ASCC2: variants seen among roughly 807,000 people sequenced by gnomAD.
The protein encoded by ASCC2 is ASC-1 complex subunit P100.
In ASCC2, 42 loss-of-function variants were observed where a neutral mutation model predicts 93.5. The ratio of observed to expected loss-of-function variants is 0.45; its 90% CI spans 0.35 to 0.58. The LOEUF (loss-of-function observed/expected upper bound fraction) is 0.58, where lower values mean the gene tolerates loss of function less well. Ranked by LOEUF, ASCC2 falls within the 20% of genes least tolerant of loss-of-function variation. The pLI is 0.00. For missense variants in ASCC2, 859 were observed against 977.6 expected (o/e 0.88, Z 1.62); for synonymous variants, 364 against 384.2 (o/e 0.95, Z 0.62).
In ASCC2 at chr22:29,802,165, A is replaced by T. The variant is rs764312800; in HGVS notation, c.1397T>A (p.Val466Glu). Residue 466 changes from valine to glutamate, a missense_variant, in exon 14 of 20, where the codon GTG (valine) becomes GAG (glutamate). By Grantham distance (121) the Val-to-Glu change is moderately radical. Coordinates refer to ENST00000307790, the MANE Select transcript of ASCC2 (RefSeq NM_032204.5). ...TTGGGAGATGAGAGAGTCCAGTTCCACCCCACACATGGCAGGGCCCACAGC... is the reference window on the plus strand; with the variant it reads ...TTGGGAGATGAGAGAGTCCAGTTCCTCCCCACACATGGCAGGGCCCACAGC... The part of the protein sequence containing the change: ...AAAVGPAMCG[V>E]ELDSLISQVK... The T allele has an allele frequency of 1.2e-6, 2 of 1,614,056 alleles. No homozygotes were observed. Among genetic ancestry groups the T allele is most frequent in the Non-Finnish European group, 1.7e-6 (2 of 1,180,018 alleles).
chr22:29,827,697 A>G (rs925610471), intron 2 of ASCC2: 1 of 444,530 alleles, frequency 2.2e-6, no homozygotes, highest in South Asian at 1.7e-5. Flanking sequence ...TCCCTCTTCT[A>G]TCTGTTGGCA....
chr22:29,818,571 G>T (rs1344755626), intron 5 of ASCC2, among the ~76,000 whole-genome samples: 1 of 151,894 alleles, frequency 6.6e-6, no homozygotes, highest in East Asian at 1.9e-4. Flanking sequence ...AGCCAGTTTA[G>T]GGTTCTCAAC....
chr22:29,832,530 AG>A (rs1221788708), intron 1 of ASCC2, 188 bp from the exon 2 acceptor site: 1 of 492,988 alleles, frequency 2.0e-6, no homozygotes. Context: ...TGCATAAAGC[AG>A]TTCTCAATTG....
At chr22:29,816,378 C>G (rs907778452) in intron 5 of ASCC2, among the ~76,000 whole-genome samples, 3 of 152,142 alleles carry the variant, frequency 2.0e-5, no homozygotes, top group African/African-American at 7.2e-5. Flanking sequence ...ACTGATGTCC[C>G]CAGGGAGTGA....
At chr22:29,828,770 G>T (rs1395439199) in intron 2 of ASCC2, among the ~76,000 whole-genome samples, 1 of 152,224 alleles carries the variant, frequency 6.6e-6, no homozygotes, top group Non-Finnish European at 1.5e-5. Flanking sequence ...ATGGATTGCA[G>T]AGAGGCACAA....
rs1300291086 is a variant in ASCC2 at position 29,816,052 on chromosome 22, G to C, written c.563C>G (p.Pro188Arg). ...KMIGNIFTQQ[P>R]SYYSDLDETL... ...TTCATCCAGGTCACTGTAGTAACTT[G>C]GCTGCTGTGTAAAGATGTTTCCTAA... Residue 188 changes from proline to arginine, a missense_variant, in exon 6 of 20, where the codon CCA (proline) becomes CGA (arginine). Pro to Arg is a moderately radical substitution (Grantham distance 103). Transcript: ENST00000307790. 3 of 1,599,344 alleles carry C rather than the reference G, an allele frequency of 1.9e-6. No individual in the cohort carries two copies. Among genetic ancestry groups the C allele is most frequent in the Non-Finnish European group, 2.6e-6 (3 of 1,172,462 alleles).
chr22:29,819,162 C>T (rs1225453272), intron 5 of ASCC2, among the ~76,000 whole-genome samples: 1 of 152,128 alleles, frequency 6.6e-6, no homozygotes, highest in Non-Finnish European at 1.5e-5. Context: ...CTCAACAACC[C>T]AATTTGTTTT....
Position 29,822,415 on chromosome 22 carries a change from A to G in ASCC2, c.461T>C (p.Phe154Ser). Residue 154 changes from phenylalanine to serine, a missense_variant, in exon 5 of 20, where the codon TTC becomes TCC. Transcript: ENST00000307790. ...SAFGEILYNN[F>S]LFDIPKILDL... ...CAGGATCTTTGGAATGTCAAAGAGG[A>G]AGTTATTGTAGAGGATTTCTCCAAA... 1 of 1,614,024 alleles carries G rather than the reference A, an allele frequency of 6.2e-7. No individual in the cohort carries two copies. Among genetic ancestry groups the G allele is most frequent in the Non-Finnish European group, 8.5e-7 (1 of 1,179,966 alleles).
intron 4 of ASCC2, among the ~76,000 whole-genome samples, chr22:29,823,847 CAAA>C (rs773869469): frequency 4.9e-5 from 4 of 81,052 alleles, no homozygotes; most frequent in Admixed American, 1.3e-4. Context: ...AACTCCATCT[CAAA>C]AAAAAAAAAA....
intron 18 of ASCC2, among the ~76,000 whole-genome samples, chr22:29,792,184 T>C (rs1333474724): frequency 1.3e-5 from 2 of 152,248 alleles, no homozygotes; most frequent in East Asian, 3.9e-4. Flanking sequence ...CTGGGCCTAA[T>C]AATGAAGCTG....
In ASCC2 at chr22:29,789,200, C is replaced by T. The variant is rs752244074; in HGVS notation, c.2103-16G>A. 15 of 1,613,918 alleles carry T rather than the reference C, an allele frequency of 9.3e-6. No individual in the cohort carries two copies. The highest frequency in any genetic ancestry group is 3.3e-5 in the South Asian group (3 of 91,070). ...ATGCCGGTACCTGAGGGAGGAACAA[C>T]CCACCCCACGAGAACCTGTCAGCCG... On this transcript the variant is annotated splice_polypyrimidine_tract_variant and intron_variant, in intron 19 of 19. Transcript: ENST00000307790.
At chr22:29,822,266 C>T (rs1319000579) in intron 5 of ASCC2, 69 bp downstream of exon 5, 11 of 1,598,730 alleles carry the variant, frequency 6.9e-6, no homozygotes, top group Non-Finnish European at 9.4e-6. Flanking sequence ...AAGCGCTGGC[C>T]TTTGCAACCT....
At chr22:29,823,979 C>G (rs1263282451) in intron 4 of ASCC2, among the ~76,000 whole-genome samples, 1 of 152,042 alleles carries the variant, frequency 6.6e-6, no homozygotes, top group Non-Finnish European at 1.5e-5. Flanking sequence ...CTGCTTGAGG[C>G]CAGGAATTCA....
chr22:29,818,968 C>G (rs911163359), intron 5 of ASCC2, among the ~76,000 whole-genome samples: 1 of 152,150 alleles, frequency 6.6e-6, no homozygotes, highest in Non-Finnish European at 1.5e-5. Flanking sequence ...ATGTGCCCAC[C>G]TCCTACAAGG....
chr22:29,809,121 CAA>C (rs1316093434), intron 8 of ASCC2, among the ~76,000 whole-genome samples: 8 of 40,960 alleles, frequency 2.0e-4, no homozygotes, highest in Admixed American at 2.3e-4. Context: ...GACTCTGTCT[CAA>C]AAAAAAAAAA....
At chr22:29,814,252 C>T (rs1486929014) in intron 7 of ASCC2, among the ~76,000 whole-genome samples, 3 of 152,212 alleles carry the variant, frequency 2.0e-5, no homozygotes, top group Non-Finnish European at 4.4e-5. Flanking sequence ...ATTCCATGAG[C>T]GCAGGGGCCA....
chr22:29,825,723 T>C lies in ASCC2; in HGVS notation c.139A>G (p.Asn47Asp), dbSNP rs201158253. ...TACTCCTCCACTAGGGCGGGAATGT[T>C]GTCTTTAGGGGGCGGTTTGTATAAC... Reference protein sequence around the residue: ...FVLYKPPPKDNIPALVEEYLE... With the variant: ...FVLYKPPPKDDIPALVEEYLE... The change falls in exon 3 of 20, where the codon AAC becomes GAC. Residue 47 changes from asparagine (N) to aspartate (D), a missense_variant. Physicochemically the swap from Asn to Asp is conservative, Grantham distance 23 (BLOSUM62 1). Coordinates refer to ENST00000307790, the MANE Select transcript of ASCC2 (RefSeq NM_032204.5). This position sits in a 1 kb window ranked among gnomAD's most constrained non-coding sequence, Gnocchi z 4.9. The C allele has an allele frequency of 1.1e-4, 175 of 1,614,196 alleles. No homozygotes were observed. The Middle Eastern group carries it at 1.8e-3, about 17-fold the overall frequency.
At chr22:29,806,985 C>G in intron 9 of ASCC2, 81 bp from the exon 10 acceptor site, 1 of 1,076,054 alleles carries the variant, frequency 9.3e-7, no homozygotes, top group South Asian at 1.5e-5. Flanking sequence ...ACACCTGAAA[C>G]CCTAGCATCT....
chr22:29,795,648 T>G (rs2058338743), intron 15 of ASCC2, among the ~76,000 whole-genome samples: 1 of 152,164 alleles, frequency 6.6e-6, no homozygotes, highest in Non-Finnish European at 1.5e-5. Context: ...GAAGCCCAAC[T>G]CTGGTCACGT....
Sources: allele counts gnomAD v4.1 joint callset (sites outside exome capture counted in the v4.1 genomes callset), GRCh38; gene constraint gnomAD v4.1.1; non-coding constraint Gnocchi (gnomAD v3.1); transcripts MANE v1.5; gene names NCBI Gene and HGNC (gene_info 2026-07-23, HGNC 2026-07-21).